VPS13D: variants seen among roughly 807,000 people sequenced by gnomAD.
The protein encoded by VPS13D is intermembrane lipid transfer protein VPS13D.
A neutral mutation model predicts 461.9 loss-of-function variants in VPS13D; 187 were observed. The ratio of observed to expected loss-of-function variants is 0.40; its 90% confidence interval spans 0.36 to 0.46. The LOEUF is 0.46. Among genes scored for constraint, VPS13D ranks in the 20% least tolerant of loss-of-function variants. VPS13D has a pLI of 0.60. For synonymous variants in VPS13D, 1,951 were observed against 1,986.3 expected, an observed-to-expected ratio of 0.98 and a Z score of 0.47; for missense variants, 4,711 against 5,364.9, an observed-to-expected ratio of 0.88 and a Z score of 3.81.
intron 61 of VPS13D, among the ~76,000 whole-genome samples, chr1:12,400,952 C>CTG (rs1442072422): frequency 2.1e-5 from 2 of 94,304 alleles, no homozygotes; most frequent in East Asian, 2.9e-4. Context: ...AGATGTGCAC[C>CTG]TGCGCGCGCG....
At position 12,349,260 on chromosome 1, in the gene VPS13D, G is replaced by T. The variant is rs1643744129; in HGVS notation, c.9317G>T (p.Gly3106Val). The change falls in exon 46 of 70, where the codon GGT becomes GTT. Residue 3106 changes from glycine to valine, a missense_variant. By Grantham distance (109) the Gly-to-Val change is moderately radical. Coordinates refer to ENST00000620676, the MANE Select transcript of VPS13D (RefSeq NM_015378.4). ...WRLQARPKGL[G>V]VFFCKAPIHW... is the part of the protein sequence containing the mutation. ...CTACAGGCCCGGCCCAAAGGATTGG[G>T]TGTATTTTTCTGTAAGGCTCCCATT... The T allele has an allele frequency of 6.2e-7, 1 of 1,614,142 alleles. No homozygotes were observed. The highest frequency in any genetic ancestry group is 8.5e-7 in the Non-Finnish European group (1 of 1,180,032).
At chr1:12,278,083 A>G (rs1641669606) in intron 19 of VPS13D, 45 bp downstream of exon 19, 1 of 1,542,938 alleles carries the variant, frequency 6.5e-7, no homozygotes, top group African/African-American at 1.4e-5. Flanking sequence ...AATGATTGAA[A>G]ACCCAGCTCA....
At position 12,246,552 on chromosome 1, in the gene VPS13D, A is replaced by T. The variant is rs145015910; in HGVS notation, c.447+1935A>T. On this transcript the variant is annotated intron_variant, in intron 5 of 69. Transcript: ENST00000620676. ...TTGTCCCAAGCCTTTCAGATAAGGG[A>T]TACGTGACCTGTACATATACATCTC... 5.8e-3 allele frequency among the ~76,000 whole-genome samples: 890 copies of T among 152,324 alleles called. 5 individuals are homozygous for T. Among genetic ancestry groups the T allele is most frequent in the Middle Eastern group, 0.014 (4 of 294 alleles).
At chr1:12,264,235 G>A (rs981586475) in intron 13 of VPS13D, among the ~76,000 whole-genome samples, 5 of 152,138 alleles carry the variant, frequency 3.3e-5, no homozygotes, top group Non-Finnish European at 7.3e-5. Flanking sequence ...CCTATTACCT[G>A]AGACACAATG....
At position 12,396,015 on chromosome 1, in the gene VPS13D, A is replaced by G. The variant is rs1351068876; in HGVS notation, c.11635-4166A>G. On this transcript the variant is annotated intron_variant, in intron 60 of 69. Coordinates refer to ENST00000620676, the MANE Select transcript of VPS13D (RefSeq NM_015378.4). ...ATAGGAGATATATATATATATATATATATATATATATATAGTTCTTTAAGA... is the reference window on the plus strand; with the variant it reads ...ATAGGAGATATATATATATATATATGTATATATATATATAGTTCTTTAAGA... 1.7e-4 allele frequency among the ~76,000 whole-genome samples: 23 copies of G among 136,398 alleles called. No homozygotes were observed. In the South Asian group the frequency reaches 4.8e-3, roughly 28 times the overall value. The allele number at this position is 136,398 out of a possible 152,430, so 89.5% of individuals were successfully genotyped here. A position where few individuals can be genotyped will look rare whatever the true frequency, so the allele number is the denominator to read the frequency against.
rs1641836823 is a variant in VPS13D at position 12,283,030 on chromosome 1, T to C, written c.4928T>C (p.Val1643Ala). The C allele has an allele frequency of 6.2e-7, 1 of 1,610,350 alleles. No individual in the cohort carries two copies. Among genetic ancestry groups the C allele is most frequent in the Non-Finnish European group, 8.5e-7 (1 of 1,176,786 alleles). ...CTGACTTTGGGGGCCCAAGGTCTTG[T>C]GAGCTTAAAGTTTCAGGACTTTGAG... is the stretch of plus-strand genomic sequence containing the variant. Reference protein sequence around the residue: ...GDLTLGAQGLVSLKFQDFEVE... With the variant: ...GDLTLGAQGLASLKFQDFEVE... The change falls in exon 21 of 70, where the codon GTG becomes GCG. Residue 1643 changes from valine to alanine, a missense_variant. Val to Ala is a moderately conservative substitution (Grantham distance 64). This residue lies in a region of VPS13D where 4,411 missense variants were observed against 4,937.8 expected (regional missense o/e 0.89). Transcript: ENST00000620676.
At chr1:12,398,254 A>C (rs1644525368) in intron 60 of VPS13D, among the ~76,000 whole-genome samples, 1 of 152,240 alleles carries the variant, frequency 6.6e-6, no homozygotes, top group Non-Finnish European at 1.5e-5. Context: ...AAATCCCTGC[A>C]ATACAATGGA....
intron 52 of VPS13D, 118 bp downstream of exon 52, chr1:12,363,365 G>A: frequency 8.9e-7 from 1 of 1,121,810 alleles, no homozygotes; most frequent in South Asian, 1.6e-5. Context: ...AGAGGTCTTA[G>A]AACTTGCAAA....
Position 12,403,850 on chromosome 1 carries a change from C to A in VPS13D, c.11907C>A (p.Leu3969=). Reference sequence around the variant, plus strand: ...AGGTGGAAAAATATGATGAAAACCTCCATGAAAAGACAGCTGAGCAAGGTG... The same window carrying A: ...AGGTGGAAAAATATGATGAAAACCTACATGAAAAGACAGCTGAGCAAGGTG... ...ESEVEKYDEN[L]HEKTAEQGGT... is the part of the protein sequence containing the mutation. Residue 3969 remains leucine (L), a synonymous_variant, in exon 63 of 70, where the codon CTC becomes CTA. Transcript: ENST00000620676. 6.2e-7 allele frequency: 1 copy of A among 1,600,990 alleles called. No individual in the cohort carries two copies. Among genetic ancestry groups the A allele is most frequent in the Non-Finnish European group, 8.5e-7 (1 of 1,176,410 alleles).
At position 12,505,262 on chromosome 1, in the gene VPS13D, C is replaced by T. The variant is rs1646090113; in HGVS notation, c.12795-1591C>T. On this transcript the variant is annotated intron_variant, in intron 68 of 69. Coordinates refer to ENST00000620676, the MANE Select transcript of VPS13D (RefSeq NM_015378.4). This position sits in a 1 kb window ranked among gnomAD's most constrained non-coding sequence, Gnocchi z 4.2. ...TCTGTCTTTCTGTCTTTCCCTGTGCCCTCCTTTCTTCCCCGGACCAGCTAT... is the reference window on the plus strand; with the variant it reads ...TCTGTCTTTCTGTCTTTCCCTGTGCTCTCCTTTCTTCCCCGGACCAGCTAT... Among the ~76,000 whole-genome samples, 1 of 152,194 alleles carries T rather than the reference C, an allele frequency of 6.6e-6. No individual in the cohort carries two copies. Among genetic ancestry groups the T allele is most frequent in the Admixed American group, 6.5e-5 (1 of 15,280 alleles).
intron 47 of VPS13D, among the ~76,000 whole-genome samples, chr1:12,354,491 G>GCTA (rs1209914410): frequency 6.6e-6 from 1 of 151,934 alleles, no homozygotes; most frequent in Non-Finnish European, 1.5e-5. Flanking sequence ...CTATGTTCAC[G>GCTA]CTACTGCCCA....
At chr1:12,323,831 C>T (rs2101535005) in intron 35 of VPS13D, 51 bp downstream of exon 35, 13 of 1,571,382 alleles carry the variant, frequency 8.3e-6, no homozygotes, top group Non-Finnish European at 1.1e-5. Context: ...TGATATGCTT[C>T]CTTCCCATTT....
intron 57 of VPS13D, among the ~76,000 whole-genome samples, chr1:12,381,609 T>C (rs1458264238): frequency 1.3e-5 from 2 of 152,214 alleles, no homozygotes; most frequent in East Asian, 3.8e-4. Flanking sequence ...CCTGTAACAA[T>C]AGCTGAGACT....
chr1:12,496,200 A>T (rs1244911698), intron 67 of VPS13D, among the ~76,000 whole-genome samples: 1 of 152,242 alleles, frequency 6.6e-6, no homozygotes, highest in African/African-American at 2.4e-5. Context: ...AATTAATAGT[A>T]CTGAAGACGT....
rs147205990 is a variant in VPS13D, at chr1:12,277,254, T to A, written c.3666T>A (p.Leu1222=). ...ATGGTTCTCTTGGCTGTTTACAGCT[T>A]ATGGATTTGACACAAGATAACGTTA... is the stretch of plus-strand genomic sequence containing the variant. ...DMNGSLGCLQ[L]MDLTQDNVKN... is the part of the protein sequence containing the mutation. The change falls in exon 19 of 70, where the codon CTT becomes CTA. Residue 1222 remains leucine, a synonymous_variant. Transcript: ENST00000620676. 1 of 1,614,238 alleles carries A rather than the reference T, an allele frequency of 6.2e-7. No homozygotes were observed. The highest frequency in any genetic ancestry group is 1.7e-5 in the Admixed American group (1 of 60,024).
chr1:12,439,701 C>T (rs1034020280), intron 65 of VPS13D, among the ~76,000 whole-genome samples: 5 of 152,040 alleles, frequency 3.3e-5, no homozygotes, highest in Non-Finnish European at 5.9e-5. Flanking sequence ...TAGAACAGTG[C>T]CTGGCAAATA....
chr1:12,259,308 C>T (rs1202525379), intron 10 of VPS13D, among the ~76,000 whole-genome samples: 3 of 150,278 alleles, frequency 2.0e-5, no homozygotes, highest in Non-Finnish European at 4.4e-5. Flanking sequence ...CACCCCCAGC[C>T]TACTCTTTTT....
chr1:12,328,644 G>A (rs764204888), intron 36 of VPS13D, among the ~76,000 whole-genome samples: 1 of 152,110 alleles, frequency 6.6e-6, no homozygotes, highest in Non-Finnish European at 1.5e-5. Flanking sequence ...GGGTTCAAGC[G>A]ATTCTTCTGC....
At chr1:12,484,807 A>G (rs968143548) in intron 67 of VPS13D, among the ~76,000 whole-genome samples, 19 of 151,992 alleles carry the variant, frequency 1.3e-4, no homozygotes, top group African/African-American at 3.4e-4. Context: ...GGAGGGTTAC[A>G]TGCTCCTTTT....
Sources: gnomAD v4.1 joint callset for allele counts (sites outside exome capture counted in the v4.1 genomes callset) on GRCh38, gnomAD v4.1.1 for gene constraint, gnomAD v4.1.1 regional missense constraint, Gnocchi (gnomAD v3.1) non-coding constraint, MANE v1.5 for transcripts, NCBI Gene and HGNC (gene_info 2026-07-23, HGNC 2026-07-21) for gene names.